The following SRGAP3 variants were observed in gnomAD, a reference collection of about 807,000 sequenced individuals.
SRGAP3 encodes the protein SLIT-ROBO Rho GTPase-activating protein 3.
In SRGAP3, 39 loss-of-function variants were observed where a neutral mutation model predicts 121.1. The observed-to-expected ratio is 0.32, with a 90% CI of 0.25 to 0.42. SRGAP3 has a LOEUF of 0.42. SRGAP3 is among the 10% of genes least tolerant of loss of function. The probability of loss-of-function intolerance (pLI) is 1.00; values close to 1 mark genes in which losing one functional copy is unlikely to be tolerated. For synonymous variants in SRGAP3, 601 were observed against 570.0 expected, an observed-to-expected ratio of 1.05 and a Z score of -0.77; for missense variants, 1,213 against 1,470.6, an observed-to-expected ratio of 0.82 and a Z score of 2.86.
chr3:9,053,069 C>T lies in SRGAP3; in HGVS notation c.1281G>A (p.Lys427=), dbSNP rs1171672391. ...CTGTTTCCTGCTGGTTGGCTCTCCT[C>T]TTGGCAATGTTGATCTTGCTCATGT... ...ETYMSKINIA[K]RRANQQETEM... Residue 427 remains lysine, a synonymous_variant, in exon 9 of 22, where the codon AAG becomes AAA. Transcript: ENST00000383836. 2 of 1,614,028 alleles carry T rather than the reference C, an allele frequency of 1.2e-6. No individual in the cohort carries two copies. The highest frequency in any genetic ancestry group is 1.7e-5 in the Admixed American group (1 of 60,000).
At position 8,981,943 on chromosome 3, in the gene SRGAP3, G is replaced by A. The variant is rs138047704; in HGVS notation, c.*3576C>T. 5 of 227,080 alleles carry A rather than the reference G, an allele frequency of 2.2e-5. No individual in the cohort carries two copies. Among genetic ancestry groups the A allele is most frequent in the East Asian group, 1.3e-4 (2 of 15,762 alleles). The allele number at this position is 227,080 out of a possible 1,614,324, so 14.1% of individuals were successfully genotyped here. ...CTGTCCGGGGTTCAAAAGGCGCTTC[G>A]AGGTGAGAAATCGTTAGCACTGAAA... On this transcript the variant is annotated 3_prime_UTR_variant, in exon 22 of 22. Coordinates refer to ENST00000383836, the MANE Select transcript of SRGAP3 (RefSeq NM_014850.4).
chr3:9,226,168 G>T (rs1191803408), intron 1 of SRGAP3, among the ~76,000 whole-genome samples: 1 of 152,222 alleles, frequency 6.6e-6, no homozygotes, highest in Non-Finnish European at 1.5e-5. Context: ...TCAGGGGTGG[G>T]GTAGAGGCAG....
intron 1 of SRGAP3, among the ~76,000 whole-genome samples, chr3:9,332,027 A>T (rs1955616839): frequency 6.6e-6 from 1 of 152,242 alleles, no homozygotes. Context: ...AAGTGAAAGA[A>T]GATCTCAAGT....
chr3:9,356,029 G>A (rs890513300), intron 1 of SRGAP3, among the ~76,000 whole-genome samples: 2 of 152,072 alleles, frequency 1.3e-5, no homozygotes, highest in Non-Finnish European at 2.9e-5. Context: ...TCTAATCACA[G>A]CTTAAAGATC....
At chr3:9,194,974 T>C (rs1194620166) in intron 1 of SRGAP3, among the ~76,000 whole-genome samples, 1 of 152,190 alleles carries the variant, frequency 6.6e-6, no homozygotes, top group African/African-American at 2.4e-5. Flanking sequence ...TTATACCCAG[T>C]GCTGTGTTGG....
rs1941611743 is a variant in SRGAP3 at position 8,985,219 on chromosome 3, C to G, written c.*300G>C. On this transcript the variant is annotated 3_prime_UTR_variant, in exon 22 of 22. Coordinates refer to ENST00000383836, the MANE Select transcript of SRGAP3 (RefSeq NM_014850.4). This position sits in a 1 kb window ranked among gnomAD's most constrained non-coding sequence, Gnocchi z 5.1. ...TGTCGAGAGAGGAAGTTTCCAGTGA[C>G]GATATGCGGGAGAAGCCATGTGGTA... 4.1e-6 allele frequency: 2 copies of G among 490,304 alleles called. No homozygotes were observed. The highest frequency in any genetic ancestry group is 2.5e-5 in the South Asian group (1 of 40,730). The allele number at this position is 490,304 out of a possible 1,614,324, so 30.4% of individuals were successfully genotyped here.
chr3:9,080,982 A>G (rs1947217984), intron 3 of SRGAP3, among the ~76,000 whole-genome samples: 1 of 152,188 alleles, frequency 6.6e-6, no homozygotes, highest in African/African-American at 2.4e-5. Flanking sequence ...TGCTTCAATC[A>G]TCCCGAAACC....
At chr3:9,019,805 C>T (rs1943824134) in intron 14 of SRGAP3, among the ~76,000 whole-genome samples, 1 of 152,212 alleles carries the variant, frequency 6.6e-6, no homozygotes, top group African/African-American at 2.4e-5. Flanking sequence ...GCTGGGCAGC[C>T]TTGTGCAGTG....
chr3:9,208,586 G>T (rs1952342661), intron 1 of SRGAP3, among the ~76,000 whole-genome samples: 1 of 152,234 alleles, frequency 6.6e-6, no homozygotes, highest in South Asian at 2.1e-4. Context: ...TGCCAGCCAT[G>T]CTCAAGTCAG....
intron 20 of SRGAP3, among the ~76,000 whole-genome samples, chr3:8,992,095 A>AT (rs1281862054): frequency 6.6e-6 from 1 of 152,162 alleles, no homozygotes; most frequent in African/African-American, 2.4e-5. Flanking sequence ...AGGCATCAGG[A>AT]TTTTTGCTGA....
chr3:9,101,415 C>T (rs1273795544), intron 3 of SRGAP3, among the ~76,000 whole-genome samples: 4 of 152,196 alleles, frequency 2.6e-5, no homozygotes, highest in African/African-American at 7.2e-5. Context: ...CCTGCAGCGC[C>T]CCAGCCACAG....
intron 2 of SRGAP3, among the ~76,000 whole-genome samples, chr3:9,123,787 C>CAGAGAG (rs150619593): frequency 1.5e-5 from 2 of 133,680 alleles, no homozygotes; most frequent in African/African-American, 2.9e-5. Context: ...TGTGTATACA[C>CAGAGAG]AGAGAGAGAG....
At chr3:9,060,801 T>C (rs1410182733) in intron 5 of SRGAP3, among the ~76,000 whole-genome samples, 2 of 151,920 alleles carry the variant, frequency 1.3e-5, no homozygotes. Flanking sequence ...GCCACACCTA[T>C]GGAAGACCTC....
intron 3 of SRGAP3, among the ~76,000 whole-genome samples, chr3:9,291,625 C>T (rs574236047): frequency 0.022 from 3,368 of 152,100 alleles, 108 homozygotes; most frequent in African/African-American, 0.076. Context: ...CACACACACA[C>T]ACACACACAC....
intron 1 of SRGAP3, among the ~76,000 whole-genome samples, chr3:9,201,417 G>A (rs180801192): frequency 1.1e-3 from 173 of 152,322 alleles, no homozygotes; most frequent in African/African-American, 3.8e-3. Context: ...CTTGCCTGCT[G>A]AGACATCTGG....
intron 3 of SRGAP3, chr3:9,256,762 C>T (rs188368730): frequency 1.4e-4 from 54 of 398,268 alleles, no homozygotes; most frequent in South Asian, 1.3e-4. Flanking sequence ...TTTTCAGCTC[C>T]GCCTGCATTC....
At chr3:9,075,394 C>T (rs905165737) in intron 4 of SRGAP3, among the ~76,000 whole-genome samples, 46 of 143,838 alleles carry the variant, frequency 3.2e-4, no homozygotes, top group Admixed American at 1.3e-3. Context: ...TGTGTGTGCG[C>T]GCGCACATAT....
chr3:9,131,162 A>G (rs1408668374), intron 1 of SRGAP3, among the ~76,000 whole-genome samples: 1 of 152,250 alleles, frequency 6.6e-6, no homozygotes, highest in Non-Finnish European at 1.5e-5. Flanking sequence ...GATTTCAAAG[A>G]GAGAAAAATA....
intron 15 of SRGAP3, 41 bp from the exon 16 acceptor site, chr3:9,013,883 A>T (rs749614784): frequency 6.3e-7 from 1 of 1,588,440 alleles, no homozygotes; most frequent in South Asian, 1.1e-5. Context: ...TTTCATCCTC[A>T]GAGAGCAAAG....
Sources: gnomAD v4.1 joint callset for allele counts (sites outside exome capture counted in the v4.1 genomes callset) on GRCh38, gnomAD v4.1.1 for gene constraint, Gnocchi (gnomAD v3.1) non-coding constraint, MANE v1.5 for transcripts, NCBI Gene and HGNC (gene_info 2026-07-23, HGNC 2026-07-21) for gene names.